The following NXN variants were observed in gnomAD, a reference collection of about 807,000 sequenced individuals.
NXN encodes the protein nucleoredoxin, also known as nucleoredoxin 1.
A neutral mutation model predicts 48.6 loss-of-function variants in NXN; 16 were observed. The observed-to-expected ratio is 0.33, with a 90% CI of 0.22 to 0.50. NXN has a LOEUF of 0.50. Among genes scored for constraint, NXN ranks in the 20% least tolerant of loss-of-function variants. The pLI is 0.98. For missense variants in NXN, 492 were observed against 605.5 expected (o/e 0.81, Z 1.97); for synonymous variants, 281 against 269.6 (o/e 1.04, Z -0.41).
rs1240960708 is a variant in NXN at position 956,711 on chromosome 17, G to C, written c.360+22608C>G. Among the ~76,000 whole-genome samples the C allele has an allele frequency of 6.6e-6, 1 of 152,186 alleles. No individual in the cohort carries two copies. The highest frequency in any genetic ancestry group is 2.4e-5 in the African/African-American group (1 of 41,436). ...ATTACAGGCGTGAGCCACCGCGCCT[G>C]GCCAAGAGCTTTTTATATCAGTCAT... On this transcript the variant is annotated intron_variant, in intron 1 of 7. Coordinates refer to ENST00000336868, the MANE Select transcript of NXN (RefSeq NM_022463.5). This position sits in a 1 kb window ranked among gnomAD's most constrained non-coding sequence, Gnocchi z 4.1.
intron 1 of NXN, among the ~76,000 whole-genome samples, chr17:841,164 A>C (rs1236803311): frequency 6.6e-6 from 1 of 152,198 alleles, no homozygotes; most frequent in Non-Finnish European, 1.5e-5. Flanking sequence ...AGGGCTTGGA[A>C]ACATCCCTGG....
Position 956,040 on chromosome 17 carries a change from A to C in NXN, c.360+23279T>G, listed in dbSNP as rs1597274679. On this transcript the variant is annotated intron_variant, in intron 1 of 7. Coordinates refer to ENST00000336868, the MANE Select transcript of NXN (RefSeq NM_022463.5). The surrounding 1 kb of genome is among the most constrained non-coding windows in gnomAD (Gnocchi z 4.1). ...GCCTGTCAAAGAAGACTGTGGCCAC[A>C]TAATCCCCCTGTCCTTTCCAGGGTA... 6.6e-6 allele frequency among the ~76,000 whole-genome samples: 1 copy of C among 152,322 alleles called. No homozygotes were observed. The highest frequency in any genetic ancestry group is 1.5e-5 in the Non-Finnish European group (1 of 68,028).
chr17:805,031 A>ACCCCCCC, intron 6 of NXN, 37 bp downstream of exon 6: 1 of 1,009,716 alleles, frequency 9.9e-7, no homozygotes, highest in Non-Finnish European at 1.4e-6. Context: ...CCCGCCCCCC[A>ACCCCCCC]GCCACCCCTC....
chr17:889,749 A>AACAAAGAAAG lies in NXN; in HGVS notation c.361-63672_361-63671insCTTTCTTTGT, dbSNP rs1555619023. ...AAAGAAAGAAAGAAAGAAAGAAAGA[A>AACAAAGAAAG]AGAAAGAAAGAAAAAGAAAGAAAGA... On this transcript the variant is annotated intron_variant, in intron 1 of 7. Transcript: ENST00000336868. 1.2e-3 allele frequency among the ~76,000 whole-genome samples: 36 copies of AACAAAGAAAG among 29,534 alleles called. 2 individuals are homozygous for AACAAAGAAAG. Among genetic ancestry groups the AACAAAGAAAG allele is most frequent in the African/African-American group, 5.1e-3 (36 of 7,112 alleles). 19.4% of individuals were successfully genotyped at this position (29,534 alleles called of 152,430 possible).
intron 5 of NXN, among the ~76,000 whole-genome samples, chr17:814,049 T>TC (rs1912329881): frequency 6.6e-6 from 1 of 151,114 alleles, no homozygotes; most frequent in South Asian, 2.1e-4. Flanking sequence ...TCACATGAGG[T>TC]CAGGAGCTCA....
chr17:853,724 T>TATATATATATATATATATATATATATATA (rs61572573), intron 1 of NXN, among the ~76,000 whole-genome samples: 2 of 70,048 alleles, frequency 2.9e-5, no homozygotes, highest in African/African-American at 1.4e-4. Context: ...TATATATATA[T>TATATATATATATATATATATATATATATA]TTTTTTTTTT....
intron 1 of NXN, among the ~76,000 whole-genome samples, chr17:861,757 ATT>A (rs61633734): frequency 1.4e-5 from 2 of 147,822 alleles, no homozygotes; most frequent in African/African-American, 2.5e-5. Flanking sequence ...ACAGCAATAG[ATT>A]TTTTTTTTTT....
intron 1 of NXN, among the ~76,000 whole-genome samples, chr17:866,001 G>GT (rs1038293689): frequency 2.0e-5 from 3 of 151,932 alleles, no homozygotes; most frequent in Non-Finnish European, 2.9e-5. Flanking sequence ...AGAAAAAAAA[G>GT]TGTGTGCGAC....
In NXN at chr17:919,481, C is replaced by T. The variant is rs549090487; in HGVS notation, c.360+59838G>A. On this transcript the variant is annotated intron_variant, in intron 1 of 7. Transcript: ENST00000336868. The surrounding 1 kb of genome is among the most constrained non-coding windows in gnomAD (Gnocchi z 5.1). Reference sequence around the variant, plus strand: ...TGCTAGAAAACGTGTTATTGTAACACGAGGAAAAAGCCCTGTAATCTCAGC... The same window carrying T: ...TGCTAGAAAACGTGTTATTGTAACATGAGGAAAAAGCCCTGTAATCTCAGC... Among the ~76,000 whole-genome samples, 92 of 152,100 alleles carry T rather than the reference C, an allele frequency of 6.0e-4. No individual in the cohort carries two copies. Among genetic ancestry groups the T allele is most frequent in the African/African-American group, 2.0e-3 (84 of 41,408 alleles).
At chr17:973,577 G>GT (rs1403144696) in intron 1 of NXN, among the ~76,000 whole-genome samples, 1 of 152,176 alleles carries the variant, frequency 6.6e-6, no homozygotes, top group Non-Finnish European at 1.5e-5. Context: ...ACAGAGCTCA[G>GT]TAAGTATCAG....
At chr17:813,206 C>CT (rs1349985570) in intron 5 of NXN, among the ~76,000 whole-genome samples, 1 of 152,252 alleles carries the variant, frequency 6.6e-6, no homozygotes, top group Non-Finnish European at 1.5e-5. Flanking sequence ...TGCACAGTTC[C>CT]TTCAGAGGTA....
intron 1 of NXN, among the ~76,000 whole-genome samples, chr17:844,080 G>A (rs1327829143): frequency 7.4e-6 from 1 of 135,666 alleles, no homozygotes; most frequent in Non-Finnish European, 1.6e-5. Flanking sequence ...GAGACCAGGC[G>A]GTGGAGACCA....
intron 5 of NXN, among the ~76,000 whole-genome samples, chr17:817,656 A>C (rs894589295): frequency 2.0e-5 from 3 of 149,868 alleles, no homozygotes; most frequent in East Asian, 2.0e-4. Flanking sequence ...GCGACAGAGC[A>C]AGACTCCAAT....
intron 1 of NXN, among the ~76,000 whole-genome samples, chr17:915,402 G>A (rs567327460): frequency 3.9e-4 from 59 of 152,220 alleles, no homozygotes; most frequent in Non-Finnish European, 7.9e-4. Flanking sequence ...TCCTGCCTCC[G>A]CCTCCCAAGT....
chr17:970,184 C>G (rs547828058), intron 1 of NXN, among the ~76,000 whole-genome samples: 19 of 152,264 alleles, frequency 1.2e-4, no homozygotes, highest in African/African-American at 4.3e-4. Context: ...GGGTCTCACT[C>G]CCGAGTAACG....
At chr17:833,825 C>A (rs1370757033) in intron 1 of NXN, among the ~76,000 whole-genome samples, 1 of 152,102 alleles carries the variant, frequency 6.6e-6, no homozygotes. Flanking sequence ...TGTAAACATT[C>A]CTCCAATGTA....
rs1256668332 is a variant in NXN at position 819,484 on chromosome 17, C to T, written c.775G>A (p.Asp259Asn). The part of the protein sequence containing the change: ...EMPWLAVPYT[D>N]EARRSRLNRL... ...TTGAGGCGCGACCGCCGGGCCTCAT[C>T]CGTGTAGGGGACGGCGAGCCAGGGC... Residue 259 changes from aspartate (D) to asparagine (N), a missense_variant, in exon 5 of 8, where the codon GAT (aspartate) becomes AAT (asparagine). Physicochemically the swap from Asp to Asn is conservative, Grantham distance 23. Transcript: ENST00000336868. The T allele has an allele frequency of 6.2e-7, 1 of 1,614,070 alleles. No individual in the cohort carries two copies. The highest frequency in any genetic ancestry group is 8.5e-7 in the Non-Finnish European group (1 of 1,179,982).
chr17:937,799 T>C lies in NXN; in HGVS notation c.360+41520A>G, dbSNP rs532060503. Among the ~76,000 whole-genome samples, 14 of 152,312 alleles carry C rather than the reference T, an allele frequency of 9.2e-5. 1 individual carries two copies. The East Asian group carries it at 2.5e-3, about 27-fold the overall frequency. ...GAATTCACGGGGCGTTCGATGATGA[T>C]GATTATTTTTTAAGGAGCTCAGAAA... On this transcript the variant is annotated intron_variant, in intron 1 of 7. Transcript: ENST00000336868.
chr17:848,522 T>C (rs2067889947), intron 1 of NXN, among the ~76,000 whole-genome samples: 1 of 152,256 alleles, frequency 6.6e-6, no homozygotes, highest in South Asian at 2.1e-4. Context: ...GGTTCGTGCC[T>C]GGTCATTAAG....
Sources: gnomAD v4.1 joint callset for allele counts (sites outside exome capture counted in the v4.1 genomes callset) on GRCh38, gnomAD v4.1.1 for gene constraint, Gnocchi (gnomAD v3.1) non-coding constraint, MANE v1.5 for transcripts, NCBI Gene and HGNC (gene_info 2026-07-23, HGNC 2026-07-21) for gene names.